The following WDR44 variants were observed in gnomAD, a reference collection of about 807,000 sequenced individuals.
WDR44 encodes WD repeat domain 44, also known as WD repeat-containing protein 44.
In WDR44, 9 loss-of-function variants were observed where a neutral mutation model predicts 65.7. That is an observed-to-expected ratio of 0.14 (90% CI 0.08 to 0.24). The LOEUF (loss-of-function observed/expected upper bound fraction) is 0.24, where lower values mean the gene tolerates loss of function less well. Ranked by LOEUF, WDR44 falls within the 10% of genes least tolerant of loss-of-function variation. The probability of loss-of-function intolerance (pLI) is 1.00; values close to 1 mark genes in which losing one functional copy is unlikely to be tolerated. For synonymous variants in WDR44, 220 were observed against 235.2 expected, an observed-to-expected ratio of 0.94 and a Z score of 0.59; for missense variants, 425 against 670.9, an observed-to-expected ratio of 0.63 and a Z score of 4.05.
At chrX:118,350,030 C>T (rs926214825) in intron 1 of WDR44, among the ~76,000 whole-genome samples, 1 of 109,540 alleles carries the variant, frequency 9.1e-6, no homozygotes, top group Non-Finnish European at 1.9e-5. Flanking sequence ...CTGGTAAATT[C>T]TGGAGTAAAA....
intron 12 of WDR44, among the ~76,000 whole-genome samples, chrX:118,427,799 C>T (rs1037493347): frequency 2.8e-4 from 30 of 106,970 alleles, no homozygotes; most frequent in East Asian, 9.1e-4. Context: ...CTCAGCCTCC[C>T]GAGTAGCTGG....
chrX:118,395,036 TAA>T (rs2056853683), intron 5 of WDR44, among the ~76,000 whole-genome samples: 1 of 111,968 alleles, frequency 8.9e-6, no homozygotes, highest in Non-Finnish European at 1.9e-5. Context: ...TCAAGAATAC[TAA>T]GACATTATTT....
chrX:118,429,581 T>C (rs1236233149), intron 12 of WDR44, among the ~76,000 whole-genome samples: 1 of 88,413 alleles, frequency 1.1e-5, no homozygotes, highest in Non-Finnish European at 2.1e-5. Context: ...AGAGCAAGAC[T>C]CAGTCTCAAA....
intron 3 of WDR44, among the ~76,000 whole-genome samples, chrX:118,390,744 A>T (rs1321549236): frequency 8.9e-6 from 1 of 112,076 alleles, no homozygotes; most frequent in Non-Finnish European, 1.9e-5. Flanking sequence ...GCCTGAATCC[A>T]TTCCTTTGTA....
chrX:118,390,371 A>G (rs2056809462), intron 3 of WDR44, among the ~76,000 whole-genome samples: 1 of 111,676 alleles, frequency 9.0e-6, no homozygotes, highest in East Asian at 2.8e-4. Flanking sequence ...AGGTGTCATG[A>G]GGCATATCAA....
At chrX:118,378,268 G>T in intron 1 of WDR44, 151 bp from the exon 2 acceptor site, 1 of 464,864 alleles carries the variant, frequency 2.2e-6, no homozygotes, top group African/African-American at 2.4e-5. Flanking sequence ...TCCACTTTTT[G>T]TTTTCCACAT....
chrX:118,438,183 C>T (rs1238580379), intron 14 of WDR44, among the ~76,000 whole-genome samples: 1 of 111,060 alleles, frequency 9.0e-6, no homozygotes, highest in Non-Finnish European at 1.9e-5. Context: ...ACCTTTATCA[C>T]ACACAAAAAA....
intron 14 of WDR44, among the ~76,000 whole-genome samples, chrX:118,438,978 G>A (rs1296871770): frequency 4.7e-5 from 5 of 106,604 alleles, no homozygotes; most frequent in Non-Finnish European, 9.6e-5. Flanking sequence ...TAGAGATAGA[G>A]TTTCACCATG....
intron 7 of WDR44, 129 bp from the exon 8 acceptor site, chrX:118,398,258 T>G (rs2056882519): frequency 1.4e-5 from 6 of 422,425 alleles, no homozygotes; most frequent in South Asian, 1.3e-4. Flanking sequence ...AATAAATAAT[T>G]AAAATTATGT....
At chrX:118,408,638 A>T (rs1236113871) in intron 10 of WDR44, among the ~76,000 whole-genome samples, 2 of 111,396 alleles carry the variant, frequency 1.8e-5, no homozygotes, top group Non-Finnish European at 3.8e-5. Flanking sequence ...AGCTCAAGTG[A>T]TCCACCCGCC....
intron 3 of WDR44, among the ~76,000 whole-genome samples, chrX:118,390,211 C>T (rs1009689172): frequency 5.4e-5 from 6 of 110,970 alleles, no homozygotes; most frequent in African/African-American, 9.8e-5. Context: ...CATAAGTCAC[C>T]GTGTCCGGTC....
At chrX:118,434,017 A>G (rs1420909167) in intron 13 of WDR44, among the ~76,000 whole-genome samples, 3 of 112,312 alleles carry the variant, frequency 2.7e-5, no homozygotes, top group Non-Finnish European at 1.9e-5. Context: ...GTTTAGGTTC[A>G]AACCCTATGA....
At chrX:118,387,771 A>T (rs898410503) in intron 3 of WDR44, among the ~76,000 whole-genome samples, 1 of 111,751 alleles carries the variant, frequency 8.9e-6, no homozygotes, top group Admixed American at 9.6e-5. Flanking sequence ...CAGAAGTTAT[A>T]AGAAGTCCTT....
intron 12 of WDR44, among the ~76,000 whole-genome samples, chrX:118,415,855 C>T (rs771007306): frequency 2.7e-5 from 3 of 111,409 alleles, no homozygotes; most frequent in African/African-American, 6.5e-5. Flanking sequence ...ATTTCAATCT[C>T]GCTGCTTGTT....
chrX:118,353,547 C>T (rs1258853205), intron 1 of WDR44, among the ~76,000 whole-genome samples: 1 of 111,983 alleles, frequency 8.9e-6, no homozygotes, highest in Non-Finnish European at 1.9e-5. Context: ...TCCACAAAAC[C>T]TTTTTGTCTC....
At chrX:118,428,322 T>G (rs2057176969) in intron 12 of WDR44, among the ~76,000 whole-genome samples, 1 of 109,935 alleles carries the variant, frequency 9.1e-6, no homozygotes, top group African/African-American at 3.3e-5. Flanking sequence ...TGATTATTTT[T>G]GTAGAGACAG....
Position 118,417,417 on chromosome X carries a change from G to A in WDR44, c.1737+6458G>A, listed in dbSNP as rs1483045870. On this transcript the variant is annotated intron_variant, in intron 12 of 19. Transcript: ENST00000254029. The stretch of plus-strand genomic sequence containing the variant: ...TCTCAGCATTTGTTTGTCTGAAAAC[G>A]ACTGTATCTTTCCTTCATATATGAT... 3.6e-5 allele frequency among the ~76,000 whole-genome samples: 4 copies of A among 111,727 alleles called. No homozygotes were observed. In the Admixed American group the frequency reaches 3.8e-4, roughly 11 times the overall value.
At chrX:118,428,998 AC>A (rs1162374923) in intron 12 of WDR44, among the ~76,000 whole-genome samples, 1 of 110,780 alleles carries the variant, frequency 9.0e-6, no homozygotes, top group African/African-American at 3.3e-5. Context: ...TAGGAGCTGA[AC>A]AATGAGAACA....
chrX:118,424,478 T>C (rs2057139760), intron 12 of WDR44, among the ~76,000 whole-genome samples: 1 of 107,570 alleles, frequency 9.3e-6, no homozygotes, highest in South Asian at 4.0e-4. Context: ...GCCATTTGTA[T>C]GTCCTCTTTG....
Sources: allele counts gnomAD v4.1 joint callset (sites outside exome capture counted in the v4.1 genomes callset), GRCh38; gene constraint gnomAD v4.1.1; transcripts MANE v1.5; gene names NCBI Gene and HGNC (gene_info 2026-07-23, HGNC 2026-07-21).